The following BST1 variants were observed in gnomAD, a reference collection of about 807,000 sequenced individuals.
BST1 encodes the protein bone marrow stromal cell antigen 1.
BST1 carries 49 observed loss-of-function variants against 40.6 expected under a neutral mutation model. That is an observed-to-expected ratio of 1.21 (90% confidence interval 0.96 to 1.53). The LOEUF (loss-of-function observed/expected upper bound fraction) is 1.53. Ranked by LOEUF, BST1 falls within the 40% of genes most tolerant of loss-of-function variation. The pLI, the probability that BST1 is intolerant of heterozygous loss-of-function variation, is 0.00. For synonymous variants in BST1, 157 were observed against 159.3 expected (o/e 0.99, Z 0.11); for missense variants, 423 against 395.9 (o/e 1.07, Z -0.58).
At chr4:15,731,129 C>T (rs1169971135) in intron 8 of BST1, 1 of 419,820 alleles carries the variant, frequency 2.4e-6, no homozygotes, top group East Asian at 5.7e-5. Flanking sequence ...CCAACAGCCA[C>T]AGCCAGACAT....
rs370349906 is a variant in BST1, at chr4:15,707,863, A to C, written c.451+217A>C. 4.9e-3 allele frequency among the ~76,000 whole-genome samples: 664 copies of C among 134,436 alleles called. 8 individuals are homozygous for C. The highest frequency in any genetic ancestry group is 0.016 in the African/African-American group (574 of 36,420). The allele number at this position is 134,436 out of a possible 152,430, so 88.2% of individuals were successfully genotyped here. On this transcript the variant is annotated intron_variant, in intron 3 of 8. Coordinates refer to ENST00000265016, the MANE Select transcript of BST1 (RefSeq NM_004334.3). ...TCTCTCTCTCTCTCTCTCTATATAT[A>C]TATATATATATACACATATATATAC... is the stretch of plus-strand genomic sequence containing the variant.
the BST1 span, among the ~76,000 whole-genome samples, chr4:15,758,468 G>C: frequency 6.6e-6 from 1 of 152,140 alleles, no homozygotes; most frequent in Non-Finnish European, 1.5e-5. Flanking sequence ...ATCTTTTGCG[G>C]CTGTATCCAT....
At chr4:15,733,250 C>T (rs181918105), downstream of BST1, among the ~76,000 whole-genome samples, 4 of 152,326 alleles carry the variant, frequency 2.6e-5, no homozygotes, top group East Asian at 7.7e-4. Flanking sequence ...AATCCTTTAG[C>T]TAGACACAGA....
intron 8 of BST1, among the ~76,000 whole-genome samples, chr4:15,725,803 T>C (rs1721062677): frequency 6.6e-6 from 1 of 152,162 alleles, no homozygotes; most frequent in Admixed American, 6.5e-5. Flanking sequence ...AAAGCCTCCA[T>C]GAGGTTACCC....
chr4:15,770,686 T>A, the BST1 span, among the ~76,000 whole-genome samples: 3 of 152,022 alleles, frequency 2.0e-5, no homozygotes, highest in South Asian at 6.2e-4. Flanking sequence ...GGCAACAGAG[T>A]GAGACTCCGT....
Position 15,711,132 on chromosome 4 carries a change from T to C in BST1, c.452-675T>C, listed in dbSNP as rs564277602. On this transcript the variant is annotated intron_variant, in intron 3 of 8. Coordinates refer to ENST00000265016, the MANE Select transcript of BST1 (RefSeq NM_004334.3). ...AGTTGATGGACACAGATTGATTCCA[T>C]ATCTTGGCTATTATGAATAATGCCA... Among the ~76,000 whole-genome samples the C allele has an allele frequency of 7.4e-4, 112 of 152,190 alleles. 1 individual carries two copies. The highest frequency in any genetic ancestry group is 1.4e-3 in the Non-Finnish European group (93 of 68,044).
the BST1 span, among the ~76,000 whole-genome samples, chr4:15,755,876 G>C: frequency 2.6e-5 from 4 of 152,098 alleles, no homozygotes; most frequent in Non-Finnish European, 5.9e-5. Context: ...TCTTATTCCA[G>C]CTTATATTCC....
chr4:15,754,135 G>C, the BST1 span, among the ~76,000 whole-genome samples: 1 of 152,186 alleles, frequency 6.6e-6, no homozygotes, highest in African/African-American at 2.4e-5. Flanking sequence ...ATTGAAAAGA[G>C]AGGAAAACCA....
At chr4:15,718,764 T>A in intron 6 of BST1, 143 bp from the exon 7 acceptor site, 1 of 667,624 alleles carries the variant, frequency 1.5e-6, no homozygotes, top group Non-Finnish European at 2.4e-6. Flanking sequence ...CAGCCCTTTT[T>A]AAACCAGAGA....
intron 8 of BST1, among the ~76,000 whole-genome samples, chr4:15,726,345 G>C (rs1721112628): frequency 6.7e-6 from 1 of 149,654 alleles, no homozygotes; most frequent in South Asian, 2.1e-4. Context: ...TGGATGAATA[G>C]ATGAATGAAC....
Position 15,732,084 on chromosome 4 carries a change from T to C in BST1, c.*239T>C. On this transcript the variant is annotated 3_prime_UTR_variant, in exon 9 of 9. Coordinates refer to ENST00000265016, the MANE Select transcript of BST1 (RefSeq NM_004334.3). The stretch of plus-strand genomic sequence containing the variant: ...GAATTAAAGCAAGTTATTTTCTTAT[T>C]TGTATAATGACACAAAGCATTGGGA... 1 of 1,226,264 alleles carries C rather than the reference T, an allele frequency of 8.2e-7. No individual in the cohort carries two copies. Among genetic ancestry groups the C allele is most frequent in the East Asian group, 4.0e-5 (1 of 24,734 alleles). 76.0% of individuals were successfully genotyped at this position (1,226,264 alleles called of 1,614,324 possible).
chr4:15,718,809 G>A (rs888457133), intron 6 of BST1, 98 bp from the exon 7 acceptor site: 11 of 989,326 alleles, frequency 1.1e-5, no homozygotes, highest in Admixed American at 2.5e-5. Context: ...AGAATATCCA[G>A]GAGCACATGG....
At chr4:15,719,166 C>T (rs1197396157) in intron 7 of BST1, among the ~76,000 whole-genome samples, 173 bp downstream of exon 7, 1 of 152,104 alleles carries the variant, frequency 6.6e-6, no homozygotes, top group Admixed American at 6.5e-5. Flanking sequence ...GCCAGGGCCC[C>T]ACCCACTGCT....
At chr4:15,729,616 GA>G (rs1369129902) in intron 8 of BST1, among the ~76,000 whole-genome samples, 1 of 152,120 alleles carries the variant, frequency 6.6e-6, no homozygotes, top group Non-Finnish European at 1.5e-5. Flanking sequence ...AAGGGCATGG[GA>G]AAATTAGGCT....
Position 15,703,363 on chromosome 4 carries a change from CG to C in BST1, c.188+33del, listed in dbSNP as rs765968806. 109 of 1,410,514 alleles carry C rather than the reference CG, an allele frequency of 7.7e-5. 1 individual carries two copies. The African/African-American group carries it at 1.6e-3, about 21-fold the overall frequency. 87.4% of individuals were successfully genotyped at this position (1,410,514 alleles called of 1,614,324 possible). ...GCAGTCGGCCGGGTGGAAGGGGAGC[CG>C]GAAAGAGGCAACGGTGGGGAGGGCC... is the stretch of plus-strand genomic sequence containing the variant. On this transcript the variant is annotated intron_variant, in intron 1 of 8. Coordinates refer to ENST00000265016, the MANE Select transcript of BST1 (RefSeq NM_004334.3).
At chr4:15,772,638 C>T in the BST1 span, among the ~76,000 whole-genome samples, 1 of 152,180 alleles carries the variant, frequency 6.6e-6, no homozygotes, top group African/African-American at 2.4e-5. Context: ...CTCAGGAGAT[C>T]TGTTGGCATC....
chr4:15,745,400 A>G, the BST1 span, among the ~76,000 whole-genome samples: 1 of 152,218 alleles, frequency 6.6e-6, no homozygotes. Flanking sequence ...GTTTCAGTAT[A>G]TTTAACTTAG....
At chr4:15,743,060 T>G (rs1460874842), downstream of BST1, 4 of 153,186 alleles carry the variant, frequency 2.6e-5, no homozygotes, top group Non-Finnish European at 5.8e-5. Context: ...TAAGGTACAG[T>G]GAAAGGATGC....
chr4:15,768,674 T>A, the BST1 span, among the ~76,000 whole-genome samples: 4 of 151,800 alleles, frequency 2.6e-5, no homozygotes, highest in Admixed American at 2.0e-4. Context: ...TTTTTTGTAT[T>A]TTTAGTAGAG....
Sources: gnomAD v4.1 joint callset for allele counts (sites outside exome capture counted in the v4.1 genomes callset) on GRCh38, gnomAD v4.1.1 for gene constraint, MANE v1.5 for transcripts, NCBI Gene and HGNC (gene_info 2026-07-23, HGNC 2026-07-21) for gene names.